The following PCDHGA2 variants were observed in gnomAD, a reference collection of about 807,000 sequenced individuals.
PCDHGA2 encodes protocadherin gamma subfamily A, 2.
Under a neutral mutation model 59.2 loss-of-function variants are expected in PCDHGA2, and 40 were observed. The ratio of observed to expected loss-of-function variants is 0.68; its 90% CI spans 0.52 to 0.88. The LOEUF (loss-of-function observed/expected upper bound fraction) is 0.88, where lower values mean the gene tolerates loss of function less well. Among genes scored for constraint, PCDHGA2 ranks in the 40% least tolerant of loss-of-function variants. The probability of loss-of-function intolerance (pLI) is 0.00; values close to 1 mark genes in which losing one functional copy is unlikely to be tolerated. For missense variants in PCDHGA2, 1,226 were observed against 1,204.0 expected, an observed-to-expected ratio of 1.02 and a Z score of -0.27; for synonymous variants, 560 against 526.0, an observed-to-expected ratio of 1.06 and a Z score of -0.89.
In PCDHGA2 at chr5:141,432,373, G is replaced by T; in HGVS notation, c.2425-62434G>T. ...TGAAAGTGATGGCGCGGGACAACGG[G>T]CACCCGCCCCTCAGCAGCAACGTGT... is the stretch of plus-strand genomic sequence containing the variant. On this transcript the variant is annotated intron_variant, in intron 1 of 3. Coordinates refer to ENST00000394576, the MANE Select transcript of PCDHGA2 (RefSeq NM_018915.4). This position sits in a 1 kb window ranked among gnomAD's most constrained non-coding sequence, Gnocchi z 6.0. The T allele has an allele frequency of 6.2e-7, 1 of 1,614,206 alleles. No homozygotes were observed. The highest frequency in any genetic ancestry group is 1.1e-5 in the South Asian group (1 of 91,082).
At chr5:141,419,472 G>T in intron 1 of PCDHGA2, 1 of 1,612,328 alleles carries the variant, frequency 6.2e-7, no homozygotes, top group South Asian at 1.1e-5. Flanking sequence ...CGCGACCAGG[G>T]CTCGCCCGCG....
At chr5:141,364,193 A>G (rs1588593751) in intron 1 of PCDHGA2, 1 of 1,067,164 alleles carries the variant, frequency 9.4e-7, no homozygotes, top group Non-Finnish European at 1.3e-6. Flanking sequence ...TACTAAACAC[A>G]CAGACCAGAC....
intron 1 of PCDHGA2, among the ~76,000 whole-genome samples, chr5:141,482,828 T>G (rs1274498876): frequency 4.4e-5 from 6 of 135,272 alleles, no homozygotes; most frequent in Non-Finnish European, 9.5e-5. Flanking sequence ...TCCTAGCACT[T>G]TGGGAGGCCA....
Position 141,486,316 on chromosome 5 carries a change from A to G in PCDHGA2, c.2425-8491A>G, listed in dbSNP as rs1251956899. The G allele has an allele frequency of 6.2e-7, 1 of 1,614,066 alleles. No individual in the cohort carries two copies. On this transcript the variant is annotated intron_variant, in intron 1 of 3. Transcript: ENST00000394576. This position sits in a 1 kb window ranked among gnomAD's most constrained non-coding sequence, Gnocchi z 5.0. ...GTGTGCAGGATCCAGACTCAGGGTC[A>G]AACGGAGATGTGAGCCTCCGCATTC...
At chr5:141,390,334 A>T (rs764594293) in intron 1 of PCDHGA2, 1 of 1,597,538 alleles carries the variant, frequency 6.3e-7, no homozygotes, top group Non-Finnish European at 8.5e-7. Flanking sequence ...ATTTCTCCAT[A>T]TTCACAAGAA....
At chr5:141,456,342 G>A (rs1439003615) in intron 1 of PCDHGA2, among the ~76,000 whole-genome samples, 1 of 152,114 alleles carries the variant, frequency 6.6e-6, no homozygotes, top group African/African-American at 2.4e-5. Context: ...AAGGGTCCTC[G>A]GAAGAATGGC....
In PCDHGA2 at chr5:141,494,748, C is replaced by T. The variant is rs566281527; in HGVS notation, c.2425-59C>T. On this transcript the variant is annotated intron_variant, in intron 1 of 3. Coordinates refer to ENST00000394576, the MANE Select transcript of PCDHGA2 (RefSeq NM_018915.4). ...CTCTCCCGGCCCATCCCTAGGGGCTCGGGTGACATTCTAACTTCTCACGGG... is the reference window on the plus strand; with the variant it reads ...CTCTCCCGGCCCATCCCTAGGGGCTTGGGTGACATTCTAACTTCTCACGGG... 1.4e-5 allele frequency: 22 copies of T among 1,613,104 alleles called. No individual in the cohort carries two copies. The East Asian group carries it at 4.2e-4, about 31-fold the overall frequency.
At chr5:141,458,988 C>T (rs996478276) in intron 1 of PCDHGA2, among the ~76,000 whole-genome samples, 1 of 152,208 alleles carries the variant, frequency 6.6e-6, no homozygotes, top group South Asian at 2.1e-4. Context: ...CTGCCTCACC[C>T]TCCCAAAGTG....
chr5:141,510,898 T>G (rs1393880610), intron 3 of PCDHGA2, 49 bp from the exon 4 acceptor site: 1 of 1,613,278 alleles, frequency 6.2e-7, no homozygotes, highest in East Asian at 2.2e-5. Context: ...ACAGTGACTG[T>G]TGAGGACCCT....
intron 1 of PCDHGA2, chr5:141,352,749 C>G: frequency 7.1e-7 from 1 of 1,413,856 alleles, no homozygotes; most frequent in South Asian, 1.3e-5. Flanking sequence ...CAGCACTTAA[C>G]CAGGCTGAGG....
intron 3 of PCDHGA2, 73 bp from the exon 4 acceptor site, chr5:141,510,874 G>C: frequency 6.2e-7 from 1 of 1,610,126 alleles, no homozygotes; most frequent in Non-Finnish European, 8.5e-7. Context: ...TTCATTAACT[G>C]CTGGGGATAT....
At chr5:141,484,047 TC>T (rs1351554084) in intron 1 of PCDHGA2, among the ~76,000 whole-genome samples, 1 of 151,912 alleles carries the variant, frequency 6.6e-6, no homozygotes, top group African/African-American at 2.4e-5. Context: ...CTCCAAGAGG[TC>T]CCCTGGGGCT....
At chr5:141,394,962 A>C (rs971000405) in intron 1 of PCDHGA2, 1 of 1,613,828 alleles carries the variant, frequency 6.2e-7, no homozygotes, top group Non-Finnish European at 8.5e-7. Context: ...GCTCAGGCTG[A>C]GGCGCTGGCA....
At chr5:141,438,396 ACT>A (rs2097958956) in intron 1 of PCDHGA2, among the ~76,000 whole-genome samples, 2 of 150,930 alleles carry the variant, frequency 1.3e-5, no homozygotes, top group African/African-American at 4.9e-5. Context: ...TTCATCATTA[ACT>A]CTCTGAAGTA....
Position 141,490,799 on chromosome 5 carries a change from G to A in PCDHGA2, c.2425-4008G>A, listed in dbSNP as rs757092044. On this transcript the variant is annotated intron_variant, in intron 1 of 3. Coordinates refer to ENST00000394576, the MANE Select transcript of PCDHGA2 (RefSeq NM_018915.4). The surrounding 1 kb of genome is among the most constrained non-coding windows in gnomAD (Gnocchi z 5.4). ...GAGGATGGACGGATCTTTGCCCAGC[G>A]TACCTTTGACTATGAATTGCTGCAG... is the stretch of plus-strand genomic sequence containing the variant. 2.7e-5 allele frequency: 43 copies of A among 1,613,888 alleles called. No individual in the cohort carries two copies. Among genetic ancestry groups the A allele is most frequent in the Middle Eastern group, 3.3e-4 (2 of 6,062 alleles).
At chr5:141,350,845 A>C (rs1758572276) in intron 1 of PCDHGA2, 1 of 1,613,468 alleles carries the variant, frequency 6.2e-7, no homozygotes, top group Non-Finnish European at 8.5e-7. Context: ...TGCTGGAAAA[A>C]CCTCTAGACA....
chr5:141,405,835 A>C (rs2094724459), intron 1 of PCDHGA2, among the ~76,000 whole-genome samples: 1 of 152,178 alleles, frequency 6.6e-6, no homozygotes, highest in African/African-American at 2.4e-5. Flanking sequence ...AGGTAGTATA[A>C]GTTGATATCA....
chr5:141,388,336 G>C, intron 1 of PCDHGA2: 2 of 1,613,966 alleles, frequency 1.2e-6, no homozygotes, highest in South Asian at 1.1e-5. Context: ...CCTGGCACAC[G>C]ATTTATATTA....
intron 1 of PCDHGA2, chr5:141,404,335 C>G (rs2094514976): frequency 1.2e-6 from 2 of 1,613,936 alleles, no homozygotes; most frequent in Non-Finnish European, 1.7e-6. Context: ...CAGTCTACCT[C>G]CCGGAAAACA....
Sources: allele counts gnomAD v4.1 joint callset (sites outside exome capture counted in the v4.1 genomes callset), GRCh38; gene constraint gnomAD v4.1.1; non-coding constraint Gnocchi (gnomAD v3.1); transcripts MANE v1.5; gene names NCBI Gene and HGNC (gene_info 2026-07-23, HGNC 2026-07-21).